COMMD6: variants seen among roughly 807,000 people sequenced by gnomAD.
The protein encoded by COMMD6 is COMM domain-containing protein 6.
Under a neutral mutation model 13.4 loss-of-function variants are expected in COMMD6, and 11 were observed. The observed-to-expected ratio is 0.82, with a 90% CI of 0.52 to 1.36. The LOEUF (loss-of-function observed/expected upper bound fraction) is 1.36. Among genes scored for constraint, COMMD6 ranks in the 40% most tolerant of loss-of-function variants. The pLI, the probability that COMMD6 is intolerant of heterozygous loss-of-function variation, is 0.00. For synonymous variants in COMMD6, 43 were observed against 36.5 expected (o/e 1.18, Z -0.64); for missense variants, 124 against 102.4 (o/e 1.21, Z -0.91).
upstream of COMMD6, among the ~76,000 whole-genome samples, chr13:75,542,578 T>C (rs1353031272): frequency 6.6e-6 from 1 of 152,212 alleles, no homozygotes; most frequent in African/African-American, 2.4e-5. Context: ...CGTGAGTGAC[T>C]GCACCCAGCC....
intron 2 of COMMD6, among the ~76,000 whole-genome samples, chr13:75,530,816 A>AT (rs1167118668): frequency 6.6e-6 from 1 of 152,364 alleles, no homozygotes; most frequent in South Asian, 2.1e-4. Context: ...GGTAATGTGC[A>AT]TAAAGTCACA....
chr13:75,537,527 T>C (rs750184768), intron 2 of COMMD6, 137 bp downstream of exon 2: 3 of 1,580,424 alleles, frequency 1.9e-6, no homozygotes, highest in Admixed American at 1.9e-5. Context: ...GAAGGAGCAA[T>C]GCAAGAGGGA....
intron 2 of COMMD6, chr13:75,537,438 G>A (rs894232959): frequency 3.9e-6 from 6 of 1,551,248 alleles, no homozygotes; most frequent in Non-Finnish European, 2.6e-6. Flanking sequence ...TCCTTGATCT[G>A]CATTCTTCGG....
At chr13:75,537,561 G>A in intron 2 of COMMD6, 103 bp downstream of exon 2, 2 of 1,566,058 alleles carry the variant, frequency 1.3e-6, no homozygotes, top group Non-Finnish European at 1.7e-6. Context: ...CCGGCTCGCG[G>A]ACACAGGACT....
Position 75,528,713 on chromosome 13 carries a change from G to A in COMMD6, c.207+1401C>T, listed in dbSNP as rs532435267. ...AAAAATTAGCTGGGCGTGGTGCTGC[G>A]TGCCTGTAATCCCAGCTACTCAGGA... On this transcript the variant is annotated intron_variant, in intron 3 of 3. Coordinates refer to ENST00000682242, the MANE Select transcript of COMMD6 (RefSeq NM_203495.4). Among the ~76,000 whole-genome samples, 14 of 151,994 alleles carry A rather than the reference G, an allele frequency of 9.2e-5. No homozygotes were observed. In the East Asian group the frequency reaches 1.2e-3, roughly 13 times the overall value.
In COMMD6 at chr13:75,530,068, G is replaced by C. The variant is rs1394502081; in HGVS notation, c.207+46C>G. 5 of 1,476,138 alleles carry C rather than the reference G, an allele frequency of 3.4e-6. No individual in the cohort carries two copies. The East Asian group carries it at 1.1e-4, about 34-fold the overall frequency. 91.4% of individuals were successfully genotyped at this position (1,476,138 alleles called of 1,614,324 possible). On this transcript the variant is annotated intron_variant, in intron 3 of 3. Coordinates refer to ENST00000682242, the MANE Select transcript of COMMD6 (RefSeq NM_203495.4). ...GATTTTATACATCTTTTTATGCAATGATTACAGAAAAGCTGAGCTAAAACT... is the reference window on the plus strand; with the variant it reads ...GATTTTATACATCTTTTTATGCAATCATTACAGAAAAGCTGAGCTAAAACT...
rs1419948030 is a variant in COMMD6, at chr13:75,537,781, G to C, written c.25C>G (p.Leu9Val). Residue 9 changes from leucine to valine, a missense_variant, in exon 1 of 4, where the codon CTG becomes GTG. Physicochemically the swap from Leu to Val is conservative, Grantham distance 32 (BLOSUM62 1). Coordinates refer to ENST00000682242, the MANE Select transcript of COMMD6 (RefSeq NM_203495.4). ...GAACTCACATCGGACTTAGCATCCA[G>C]CGGCGGCTCGCTGGACGCCTCCATG... MEASSEPP[L>V]DAKSDVTNQL... is the part of the protein sequence containing the mutation. The C allele has an allele frequency of 4.3e-6, 7 of 1,611,432 alleles. No individual in the cohort carries two copies. The highest frequency in any genetic ancestry group is 5.9e-6 in the Non-Finnish European group (7 of 1,178,094).
At chr13:75,537,474 CT>C in intron 2 of COMMD6, 189 bp downstream of exon 2, 1 of 1,552,430 alleles carries the variant, frequency 6.4e-7, no homozygotes, top group Non-Finnish European at 8.7e-7. Flanking sequence ...GGAAGAGGAG[CT>C]TTCATTACAA....
At chr13:75,537,165 T>C (rs545765161) in intron 2 of COMMD6, among the ~76,000 whole-genome samples, 10 of 152,354 alleles carry the variant, frequency 6.6e-5, no homozygotes, top group African/African-American at 2.4e-4. Flanking sequence ...TGCCTACAAA[T>C]AGTTTATTGG....
intron 2 of COMMD6, chr13:75,530,602 C>A: frequency 5.5e-6 from 1 of 181,220 alleles, no homozygotes; most frequent in Non-Finnish European, 1.2e-5. Flanking sequence ...TCTTTTAGTT[C>A]ACTTTGCTGT....
rs766261685 is a variant in COMMD6, at chr13:75,530,236, C to T, written c.85G>A (p.Ala29Thr). 1.4e-5 allele frequency: 22 copies of T among 1,612,196 alleles called. No individual in the cohort carries two copies. The Middle Eastern group carries it at 5.0e-4, about 36-fold the overall frequency. Residue 29 changes from alanine to threonine, a missense_variant, in exon 3 of 4, where the codon GCT becomes ACT. Transcript: ENST00000682242. Reference sequence around the variant, plus strand: ...GATCTGCAAGTGTCTGAGCTCACAGCCATACCCAGTTTCCACTGAAAATCT... The same window carrying T: ...GATCTGCAAGTGTCTGAGCTCACAGTCATACCCAGTTTCCACTGAAAATCT... ...LVDFQWKLGM[A>T]VSSDTCRSLK...
At chr13:75,533,707 C>T (rs1258785069) in intron 2 of COMMD6, among the ~76,000 whole-genome samples, 3 of 152,150 alleles carry the variant, frequency 2.0e-5, no homozygotes, top group African/African-American at 4.8e-5. Flanking sequence ...ATGAAGGATG[C>T]ATTGCTAGGT....
At chr13:75,528,443 C>T (rs915212103) in intron 3 of COMMD6, among the ~76,000 whole-genome samples, 1 of 152,142 alleles carries the variant, frequency 6.6e-6, no homozygotes, top group African/African-American at 2.4e-5. Flanking sequence ...AGTTCCAAGA[C>T]ACTAATCAAT....
chr13:75,544,027 C>T (rs182180522), intron 1 of COMMD6, among the ~76,000 whole-genome samples: 4 of 152,114 alleles, frequency 2.6e-5, no homozygotes, highest in Admixed American at 2.0e-4. Context: ...CTGAAATGCT[C>T]CTCAGCTACT....
chr13:75,537,382 C>G (rs1472732958), intron 2 of COMMD6: 1 of 1,550,822 alleles, frequency 6.4e-7, no homozygotes, highest in South Asian at 1.2e-5. Flanking sequence ...TTTAAAATAC[C>G]GTGTTCCTGG....
chr13:75,531,298 A>G (rs1367361376), intron 2 of COMMD6, among the ~76,000 whole-genome samples: 4 of 152,218 alleles, frequency 2.6e-5, no homozygotes, highest in Non-Finnish European at 4.4e-5. Context: ...TGAGGTAAAG[A>G]AATAGAATGG....
rs779601806 is a variant in COMMD6 at position 75,537,798 on chromosome 13, G to A, written c.8C>T (p.Ala3Val). Reference protein sequence around the residue: MEASSEPPLDAKS... With the variant: MEVSSEPPLDAKS... ...AGCATCCAGCGGCGGCTCGCTGGAC[G>A]CCTCCATGGGCAGCGTCTGGGACTT... is the stretch of plus-strand genomic sequence containing the variant. Residue 3 changes from alanine to valine, a missense_variant, in exon 1 of 4, where the codon GCG becomes GTG. Ala to Val is a moderately conservative substitution (Grantham distance 64). Transcript: ENST00000682242. The A allele has an allele frequency of 2.5e-6, 4 of 1,606,180 alleles. No homozygotes were observed. The highest frequency in any genetic ancestry group is 2.6e-6 in the Non-Finnish European group (3 of 1,174,726).
At chr13:75,532,288 G>C (rs34580523) in intron 2 of COMMD6, among the ~76,000 whole-genome samples, 2 of 152,176 alleles carry the variant, frequency 1.3e-5, no homozygotes, top group Non-Finnish European at 2.9e-5. Context: ...AGTCCAGAGA[G>C]AGCAATGTAA....
upstream of COMMD6, among the ~76,000 whole-genome samples, chr13:75,540,346 A>ACC (rs1402141822): frequency 4.0e-5 from 5 of 123,592 alleles, no homozygotes; most frequent in African/African-American, 9.1e-5. Context: ...ACACACACCC[A>ACC]CACACACACA....
Sources: gnomAD v4.1 joint callset for allele counts (sites outside exome capture counted in the v4.1 genomes callset) on GRCh38, gnomAD v4.1.1 for gene constraint, MANE v1.5 for transcripts, NCBI Gene and HGNC (gene_info 2026-07-23, HGNC 2026-07-21) for gene names.